ZNF883: variants seen among roughly 807,000 people sequenced by gnomAD.
ZNF883 encodes zinc finger protein 883.
intron 2 of ZNF883, among the ~76,000 whole-genome samples, chr9:113,004,445 CTGAGGTAATAGTATTAGGTGAGGCCTTTG>C (rs1268200913): frequency 8.6e-5 from 13 of 152,042 alleles, no homozygotes; most frequent in Non-Finnish European, 1.2e-4. Flanking sequence ...ATTTTAACCC[CTGAGGTAATAGTATTAGGTGAGGCCTTTG>C]GGAGGTAATT....
chr9:112,993,193 C>G (rs950409017), downstream of ZNF883, among the ~76,000 whole-genome samples: 22 of 152,176 alleles, frequency 1.4e-4, no homozygotes, highest in African/African-American at 4.8e-4. Context: ...TTTGTTGATT[C>G]TTTCTCATTT....
chr9:112,996,603 A>G (rs1828356678), downstream of ZNF883, among the ~76,000 whole-genome samples: 1 of 150,602 alleles, frequency 6.6e-6, no homozygotes, highest in African/African-American at 2.4e-5. Flanking sequence ...CATCCTGGCT[A>G]ACACGGTGAA....
At chr9:113,010,754 G>T (rs972604455) in intron 2 of ZNF883, among the ~76,000 whole-genome samples, 1 of 152,128 alleles carries the variant, frequency 6.6e-6, no homozygotes, top group African/African-American at 2.4e-5. Context: ...TTGGGAGGCT[G>T]AGGTGGGCAG....
chr9:112,994,004 G>A (rs1335642480), downstream of ZNF883, among the ~76,000 whole-genome samples: 1 of 152,078 alleles, frequency 6.6e-6, no homozygotes, highest in African/African-American at 2.4e-5. Context: ...AGTGATGGTG[G>A]CCAGTCCTTC....
At chr9:113,000,083 T>C (rs773286225), upstream of ZNF883, among the ~76,000 whole-genome samples, 2 of 152,200 alleles carry the variant, frequency 1.3e-5, no homozygotes, top group Non-Finnish European at 2.9e-5. Context: ...CTGGAGGGCT[T>C]TCAAAGCTCT....
intron 2 of ZNF883, among the ~76,000 whole-genome samples, chr9:113,010,075 G>C (rs1828517243): frequency 6.6e-6 from 1 of 151,958 alleles, no homozygotes; most frequent in African/African-American, 2.4e-5. Context: ...ATCCAAGACT[G>C]TCAGTTCCAC....
chr9:112,991,330 CTTAA>C (rs895081690), intron 1 of ZNF883, among the ~76,000 whole-genome samples: 6 of 151,870 alleles, frequency 4.0e-5, no homozygotes, highest in Non-Finnish European at 5.9e-5. Context: ...TGATTTCTGC[CTTAA>C]TTGTTTACTC....
chr9:112,998,420 A>G (rs1828388098), upstream of ZNF883: 1 of 564,420 alleles, frequency 1.8e-6, no homozygotes. Flanking sequence ...GTTTCTTTTG[A>G]AAAAATCCAC....
At chr9:113,006,492 C>T (rs1828477867) in intron 2 of ZNF883, among the ~76,000 whole-genome samples, 1 of 152,126 alleles carries the variant, frequency 6.6e-6, no homozygotes, top group South Asian at 2.1e-4. Context: ...TTTACTCTGT[C>T]GGCTTGCTCT....
chr9:112,995,320 C>T (rs531347538), downstream of ZNF883, among the ~76,000 whole-genome samples: 146 of 152,254 alleles, frequency 9.6e-4, no homozygotes, highest in African/African-American at 3.3e-3. Context: ...CTTCAGAAGA[C>T]TCAGGCCCTC....
At chr9:112,994,870 T>C (rs911531774), downstream of ZNF883, among the ~76,000 whole-genome samples, 2 of 152,196 alleles carry the variant, frequency 1.3e-5, no homozygotes, top group Non-Finnish European at 2.9e-5. Context: ...ATCTTTTTTT[T>C]CTCTAATTGG....
intron 1 of ZNF883, among the ~76,000 whole-genome samples, chr9:112,991,208 C>T (rs2094000): frequency 0.47 from 71,223 of 151,864 alleles, 17,913 homozygotes; most frequent in African/African-American, 0.66. Flanking sequence ...TCTTTCTAGC[C>T]TTCTGATGTG....
Position 113,007,939 on chromosome 9 carries a change from A to T in ZNF883, n.165+3202T>A, listed in dbSNP as rs532215814. The stretch of plus-strand genomic sequence containing the variant: ...ATTTCTGAAAAGAAAAAGAAGGAAA[A>T]GGAGAAAAATTTCAAATTATTAGTC... On this transcript the variant is annotated intron_variant and non_coding_transcript_variant, in intron 2 of 4. Transcript: ENST00000638622. Among the ~76,000 whole-genome samples the T allele has an allele frequency of 5.9e-4, 90 of 152,266 alleles. 1 individual carries two copies. The South Asian group carries it at 7.0e-3, about 12-fold the overall frequency.
At chr9:112,995,429 C>A (rs1828341245), downstream of ZNF883, among the ~76,000 whole-genome samples, 1 of 151,774 alleles carries the variant, frequency 6.6e-6, no homozygotes, top group Non-Finnish European at 1.5e-5. Context: ...CCATACACAT[C>A]TCCTTCCTTC....
chr9:112,990,256 C>CA (rs1159649354), intron 1 of ZNF883, among the ~76,000 whole-genome samples: 1 of 152,014 alleles, frequency 6.6e-6, no homozygotes, highest in African/African-American at 2.4e-5. Context: ...GTGGGTTTGT[C>CA]ATGTGGCTCT....
At chr9:112,988,892 T>TG (rs1039698448) in intron 1 of ZNF883, among the ~76,000 whole-genome samples, 2 of 119,976 alleles carry the variant, frequency 1.7e-5, no homozygotes, top group Admixed American at 7.9e-5. Context: ...TTAGTGATGT[T>TG]GGTTTTTTTT....
downstream of ZNF883, among the ~76,000 whole-genome samples, chr9:112,994,627 T>C (rs1426190880): frequency 6.6e-6 from 1 of 152,150 alleles, no homozygotes; most frequent in African/African-American, 2.4e-5. Context: ...TAATATTCTA[T>C]ATTTTTTAGA....
chr9:113,001,535 G>GTA (rs1345971924), upstream of ZNF883, among the ~76,000 whole-genome samples: 1 of 151,940 alleles, frequency 6.6e-6, no homozygotes, highest in Non-Finnish European at 1.5e-5. Flanking sequence ...TACAGACGAG[G>GTA]GGCTCTGCAT....
At chr9:112,990,570 GT>G (rs1347848220) in intron 1 of ZNF883, among the ~76,000 whole-genome samples, 37 of 152,182 alleles carry the variant, frequency 2.4e-4, no homozygotes, top group Non-Finnish European at 3.7e-4. Flanking sequence ...TTGCCCTGAA[GT>G]TTTCTTTTTT....
Sources: allele counts gnomAD v4.1 joint callset (sites outside exome capture counted in the v4.1 genomes callset), GRCh38; gene constraint gnomAD v4.1.1; transcripts MANE v1.5; gene names NCBI Gene and HGNC (gene_info 2026-07-23, HGNC 2026-07-21).